VPS13B: variants seen among roughly 807,000 people sequenced by gnomAD.
VPS13B encodes the protein intermembrane lipid transfer protein VPS13B.
Under a neutral mutation model 426.4 loss-of-function variants are expected in VPS13B, and 285 were observed. The observed-to-expected ratio is 0.67, with a 90% CI of 0.61 to 0.74. VPS13B has a LOEUF of 0.74. VPS13B is among the 30% of genes least tolerant of loss of function. The probability of loss-of-function intolerance (pLI) is 0.00; values close to 1 mark genes in which losing one functional copy is unlikely to be tolerated. For missense variants in VPS13B, 4,537 were observed against 4,782.6 expected (o/e 0.95, Z 1.51); for synonymous variants, 1,676 against 1,676.4 (o/e 1.00, Z 0.01).
chr8:99,736,550 G>T (rs1833839526), intron 39 of VPS13B, among the ~76,000 whole-genome samples: 1 of 152,118 alleles, frequency 6.6e-6, no homozygotes, highest in South Asian at 2.1e-4. Context: ...TCCAGTCTAG[G>T]CGACAGAGCG....
At position 99,410,373 on chromosome 8, in the gene VPS13B, G is replaced by A. The variant is rs900705530; in HGVS notation, c.3082+18669G>A. On this transcript the variant is annotated intron_variant, in intron 21 of 61. Coordinates refer to ENST00000357162, the MANE Select transcript of VPS13B (RefSeq NM_152564.5). ...TCACTCACACTAAACTACTTACAAT[G>A]CACTTTGTGAATCTGTGCCTTTGTG... Among the ~76,000 whole-genome samples the A allele has an allele frequency of 2.0e-5, 3 of 151,918 alleles. No homozygotes were observed. In the East Asian group the frequency reaches 5.8e-4, roughly 29 times the overall value.
chr8:99,118,401 AT>A (rs982656917), intron 7 of VPS13B, among the ~76,000 whole-genome samples: 1 of 151,706 alleles, frequency 6.6e-6, no homozygotes, highest in Non-Finnish European at 1.5e-5. Flanking sequence ...GGGTCTTTTT[AT>A]TTTTTTTGGA....
At chr8:99,480,839 A>G (rs1173862695) in intron 24 of VPS13B, among the ~76,000 whole-genome samples, 2 of 152,156 alleles carry the variant, frequency 1.3e-5, no homozygotes, top group Non-Finnish European at 2.9e-5. Context: ...TTAAAATGGC[A>G]AGCAGAATAT....
intron 61 of VPS13B, among the ~76,000 whole-genome samples, 179 bp downstream of exon 61, chr8:99,871,876 TG>T (rs1340786559): frequency 2.0e-5 from 3 of 151,688 alleles, no homozygotes; most frequent in Non-Finnish European, 4.4e-5. Context: ...GAAAGGGCAC[TG>T]GGAAGCCCCC....
intron 21 of VPS13B, among the ~76,000 whole-genome samples, chr8:99,403,545 T>A (rs1202623160): frequency 7.5e-6 from 1 of 134,110 alleles, no homozygotes; most frequent in Middle Eastern, 3.8e-3. Context: ...CAAGACTCTG[T>A]CTCAAAAAAA....
chr8:99,304,044 G>T (rs1324025327), intron 19 of VPS13B, among the ~76,000 whole-genome samples: 1 of 152,094 alleles, frequency 6.6e-6, no homozygotes, highest in East Asian at 1.9e-4. Context: ...TAAGCAGACT[G>T]ATTTTTGTCT....
intron 24 of VPS13B, among the ~76,000 whole-genome samples, chr8:99,475,294 A>C (rs935821686): frequency 2.6e-5 from 4 of 152,158 alleles, no homozygotes; most frequent in African/African-American, 4.8e-5. Context: ...TTGTTTTTCT[A>C]AAGTCATAGT....
chr8:99,538,579 C>T (rs567568729), intron 30 of VPS13B, among the ~76,000 whole-genome samples: 6 of 152,164 alleles, frequency 3.9e-5, no homozygotes, highest in African/African-American at 9.6e-5. Context: ...CATCTTTTCC[C>T]GCATGTGAGT....
At chr8:99,504,431 T>C (rs1821393302) in intron 27 of VPS13B, among the ~76,000 whole-genome samples, 1 of 152,174 alleles carries the variant, frequency 6.6e-6, no homozygotes, top group African/African-American at 2.4e-5. Flanking sequence ...AAGTAATAAG[T>C]CTTGAAAGAC....
rs1379685551 is a variant in VPS13B, at chr8:99,868,079, C to A, written c.11216-210C>A. 3 of 581,404 alleles carry A rather than the reference C, an allele frequency of 5.2e-6. No individual in the cohort carries two copies. The East Asian group carries it at 1.0e-4, about 20-fold the overall frequency. The allele number at this position is 581,404 out of a possible 1,614,324, so 36.0% of individuals were successfully genotyped here. A position where few individuals can be genotyped will look rare whatever the true frequency, so the allele number is the denominator to read the frequency against. Reference sequence around the variant, plus strand: ...ACAGATCCTGACTGTGTGGACCAAACTCCGTCTGAACATTGTATTTTGATG... The same window carrying A: ...ACAGATCCTGACTGTGTGGACCAAAATCCGTCTGAACATTGTATTTTGATG... On this transcript the variant is annotated intron_variant, in intron 58 of 61. Transcript: ENST00000357162.
At chr8:99,365,841 T>C (rs1174851715) in intron 19 of VPS13B, among the ~76,000 whole-genome samples, 1 of 152,138 alleles carries the variant, frequency 6.6e-6, no homozygotes, top group Non-Finnish European at 1.5e-5. Flanking sequence ...AATTTCTTTA[T>C]TGATCTACTG....
intron 55 of VPS13B, among the ~76,000 whole-genome samples, chr8:99,850,414 C>T (rs77167188): frequency 0.014 from 2,080 of 145,646 alleles, 56 homozygotes; most frequent in African/African-American, 0.054. Context: ...TGTACTTATA[C>T]ATACACAGAA....
In VPS13B at chr8:99,055,069, A is replaced by C. The variant is rs576088158; in HGVS notation, c.291+16503A>C. ...GTTTTTTTTTTTGTTACAGGGTCTC[A>C]CTCTGTTCCACAGGCTGGCATGCAG... is the stretch of plus-strand genomic sequence containing the variant. On this transcript the variant is annotated intron_variant, in intron 3 of 61. Transcript: ENST00000357162. Among the ~76,000 whole-genome samples, 74 of 134,304 alleles carry C rather than the reference A, an allele frequency of 5.5e-4. 1 individual carries two copies. The South Asian group carries it at 0.016, about 29-fold the overall frequency. The allele number at this position is 134,304 out of a possible 152,430, so 88.1% of individuals were successfully genotyped here. A position where few individuals can be genotyped will look rare whatever the true frequency, so the allele number is the denominator to read the frequency against.
At chr8:99,372,619 A>G (rs1034868771) in intron 19 of VPS13B, among the ~76,000 whole-genome samples, 1 of 152,246 alleles carries the variant, frequency 6.6e-6, no homozygotes, top group Non-Finnish European at 1.5e-5. Flanking sequence ...GTGAGATACC[A>G]TCTCACACCA....
intron 17 of VPS13B, among the ~76,000 whole-genome samples, chr8:99,213,820 CTTTTTT>C (rs11304124): frequency 7.6e-6 from 1 of 131,094 alleles, no homozygotes; most frequent in Non-Finnish European, 1.7e-5. Flanking sequence ...TGCTGGATGC[CTTTTTT>C]TTTTTTTTTG....
chr8:99,558,757 G>A (rs575052044), intron 31 of VPS13B, among the ~76,000 whole-genome samples: 1 of 152,284 alleles, frequency 6.6e-6, no homozygotes, highest in South Asian at 2.1e-4. Flanking sequence ...TTTTATGGCT[G>A]CATAGTATTC....
chr8:99,446,487 A>C (rs1295934329), intron 23 of VPS13B, among the ~76,000 whole-genome samples: 4 of 152,056 alleles, frequency 2.6e-5, no homozygotes, highest in Non-Finnish European at 5.9e-5. Flanking sequence ...GGCATAATCT[A>C]TTCAGATATT....
intron 36 of VPS13B, among the ~76,000 whole-genome samples, chr8:99,711,525 T>G (rs1195274260): frequency 6.6e-6 from 1 of 152,002 alleles, no homozygotes; most frequent in African/African-American, 2.4e-5. Context: ...GTAGAATGAC[T>G]GTAAAAACTA....
chr8:99,530,641 A>C (rs1822885116), intron 30 of VPS13B, among the ~76,000 whole-genome samples: 1 of 151,712 alleles, frequency 6.6e-6, no homozygotes, highest in African/African-American at 2.4e-5. Flanking sequence ...TAGTAGCAGC[A>C]GCAGTAGTAG....
Sources: allele counts gnomAD v4.1 joint callset (sites outside exome capture counted in the v4.1 genomes callset), GRCh38; gene constraint gnomAD v4.1.1; transcripts MANE v1.5; gene names NCBI Gene and HGNC (gene_info 2026-07-23, HGNC 2026-07-21).